The following ERICH3 variants were observed in gnomAD, a reference collection of about 807,000 sequenced individuals.
ERICH3 encodes the protein glutamate rich 3.
In ERICH3, 126 loss-of-function variants were observed where a neutral mutation model predicts 131.1. The ratio of observed to expected loss-of-function variants is 0.96; its 90% CI spans 0.83 to 1.11. The LOEUF (loss-of-function observed/expected upper bound fraction) is 1.11, where lower values mean the gene tolerates loss of function less well. Among genes scored for constraint, ERICH3 ranks in the 50% most tolerant of loss-of-function variants. The probability of loss-of-function intolerance (pLI) is 0.00; values close to 1 mark genes in which losing one functional copy is unlikely to be tolerated. For synonymous variants in ERICH3, 695 were observed against 644.6 expected (o/e 1.08, Z -1.18); for missense variants, 2,050 against 1,810.7 (o/e 1.13, Z -2.40).
rs1647068404 is a variant in ERICH3 at position 74,576,943 on chromosome 1, A to T, written c.2177-7T>A. 1.9e-5 allele frequency: 5 copies of T among 263,654 alleles called. No individual in the cohort carries two copies. The highest frequency in any genetic ancestry group is 2.4e-5 in the Non-Finnish European group (4 of 164,830). 16.3% of individuals were successfully genotyped at this position (263,654 alleles called of 1,614,324 possible). A position where few individuals can be genotyped will look rare whatever the true frequency, so the allele number is the denominator to read the frequency against. ...AATGGCAATGAATCCTTTCCTAGTT[A>T]AAAAAAAAAAAAAGAAAAAAAAGGT... On this transcript the variant is annotated splice_region_variant and splice_polypyrimidine_tract_variant and intron_variant, in intron 12 of 14. Transcript: ENST00000326665.
chr1:74,658,977 A>T (rs1570915681), intron 1 of ERICH3, among the ~76,000 whole-genome samples: 1 of 152,236 alleles, frequency 6.6e-6, no homozygotes, highest in Non-Finnish European at 1.5e-5. Flanking sequence ...TTGTGTTATT[A>T]GCAGTGCTTT....
chr1:74,591,489 G>A (rs114960326), intron 11 of ERICH3, among the ~76,000 whole-genome samples: 2 of 152,150 alleles, frequency 1.3e-5, no homozygotes, highest in Admixed American at 6.5e-5. Flanking sequence ...TTGAGTCTGA[G>A]GGTGAAGCAC....
intron 11 of ERICH3, among the ~76,000 whole-genome samples, chr1:74,599,474 G>C (rs144015271): frequency 1.3e-4 from 19 of 151,838 alleles, no homozygotes; most frequent in African/African-American, 3.6e-4. Flanking sequence ...TAAATAATGT[G>C]CTAGGTTTAA....
At position 74,573,005 on chromosome 1, in the gene ERICH3, G is replaced by A; in HGVS notation, c.2705C>T (p.Ala902Val). 13 of 1,614,124 alleles carry A rather than the reference G, an allele frequency of 8.1e-6. No individual in the cohort carries two copies. Among genetic ancestry groups the A allele is most frequent in the Non-Finnish European group, 1.1e-5 (13 of 1,180,014 alleles). The change falls in exon 14 of 15, where the codon GCA becomes GTA. Residue 902 changes from alanine to valine, a missense_variant. By Grantham distance (64) the Ala-to-Val change is moderately conservative. Coordinates refer to ENST00000326665, the MANE Select transcript of ERICH3 (RefSeq NM_001002912.5). The part of the protein sequence containing the change: ...ASEGEQGLEK[A>V]VLANEAAALN... ...GGCTGCTGCTTCATTTGCAAGCACT[G>A]CCTTCTCTAAACCCTGTTCCCCTTC...
intron 7 of ERICH3, chr1:74,622,183 A>G (rs1245602555): frequency 6.6e-6 from 1 of 152,174 alleles, no homozygotes; most frequent in Non-Finnish European, 1.5e-5. Context: ...TGAAGCAAAA[A>G]CCAGAGGAAA....
intron 4 of ERICH3, among the ~76,000 whole-genome samples, chr1:74,642,433 A>G (rs938992663): frequency 6.6e-6 from 1 of 152,128 alleles, no homozygotes; most frequent in South Asian, 2.1e-4. Context: ...GCCAACCTAA[A>G]TGGAAATCTT....
rs775759014 is a variant in ERICH3, at chr1:74,589,646, C to A, written c.2161G>T (p.Gly721Trp). 1 of 1,613,830 alleles carries A rather than the reference C, an allele frequency of 6.2e-7. No homozygotes were observed. Among genetic ancestry groups the A allele is most frequent in the Admixed American group, 1.7e-5 (1 of 59,992 alleles). ...QVKDKKAGLP[G>W]LEEGGKDSLP... ...CCATACTTACCACCTTCCTCCAACC[C>A]AGGGAGACCTGCCTTTTTGTCCTTC... The change falls in exon 12 of 15, where the codon GGG (glycine) becomes TGG (tryptophan). Residue 721 changes from glycine to tryptophan, a missense_variant. By Grantham distance (184) the Gly-to-Trp change is radical. Transcript: ENST00000326665.
At position 74,572,647 on chromosome 1, in the gene ERICH3, T is replaced by C; in HGVS notation, c.3063A>G (p.Glu1021=). ...CCACATCTTCCTTGCAAAGGAAGGC[T>C]TCCTTTGCAAGGCTTCCTTCCTCAG... The part of the protein sequence containing the change: ...GSPEEGSLAK[E]AFLCKEDVEG... The change falls in exon 14 of 15, where the codon GAA becomes GAG. Residue 1021 remains glutamate, a synonymous_variant. Coordinates refer to ENST00000326665, the MANE Select transcript of ERICH3 (RefSeq NM_001002912.5). The C allele has an allele frequency of 6.2e-7, 1 of 1,614,030 alleles. No individual in the cohort carries two copies. The highest frequency in any genetic ancestry group is 1.7e-4 in the Middle Eastern group (1 of 6,060).
At chr1:74,614,367 TAAAAA>T (rs58516429) in intron 8 of ERICH3, among the ~76,000 whole-genome samples, 8 of 114,938 alleles carry the variant, frequency 7.0e-5, no homozygotes, top group African/African-American at 2.6e-4. Flanking sequence ...ATTTTTTCCC[TAAAAA>T]AAAAAAAAAA....
At chr1:74,667,551 G>A (rs11808421) in intron 1 of ERICH3, among the ~76,000 whole-genome samples, 2,787 of 152,232 alleles carry the variant, frequency 0.018, 86 homozygotes, top group African/African-American at 0.064. Context: ...GAAAGTGATA[G>A]CTCTAGAAAT....
At chr1:74,664,365 C>T (rs1420839194) in intron 1 of ERICH3, among the ~76,000 whole-genome samples, 4 of 149,876 alleles carry the variant, frequency 2.7e-5, no homozygotes, top group African/African-American at 7.3e-5. Context: ...TTCCTTCTAA[C>T]TCTATTATTC....
At position 74,620,821 on chromosome 1, in the gene ERICH3, G is replaced by A; in HGVS notation, c.913C>T (p.Pro305Ser). 6.2e-7 allele frequency: 1 copy of A among 1,613,272 alleles called. No homozygotes were observed. Among genetic ancestry groups the A allele is most frequent in the Non-Finnish European group, 8.5e-7 (1 of 1,179,584 alleles). Residue 305 changes from proline (P) to serine (S), a missense_variant, in exon 8 of 15, where the codon CCT becomes TCT. Coordinates refer to ENST00000326665, the MANE Select transcript of ERICH3 (RefSeq NM_001002912.5). ...ACTTTAATTTCATCCCGGAAGTCAG[G>A]ATTATCAGAAGATAGGTGCACATTT... The part of the protein sequence containing the change: ...GKNVHLSSDN[P>S]DFRDEIKVYQ...
Position 74,636,275 on chromosome 1 carries a change from T to A in ERICH3, c.603+5A>T, listed in dbSNP as rs1646387969. On this transcript the variant is annotated splice_donor_5th_base_variant and intron_variant, in intron 6 of 14. Transcript: ENST00000326665. ...AATATATTTATTGATAAAAATAACA[T>A]TTACCCCAATGGGAAACAGAGCTTC... The A allele has an allele frequency of 6.3e-7, 1 of 1,589,180 alleles. No individual in the cohort carries two copies. The highest frequency in any genetic ancestry group is 1.2e-5 in the South Asian group (1 of 85,256).
intron 1 of ERICH3, among the ~76,000 whole-genome samples, chr1:74,665,174 G>A (rs958896420): frequency 4.0e-5 from 6 of 151,240 alleles, no homozygotes; most frequent in Non-Finnish European, 8.8e-5. Flanking sequence ...CAAGAAGATG[G>A]CCATCTGCAG....
chr1:74,615,766 C>G (rs1648928229), intron 8 of ERICH3, among the ~76,000 whole-genome samples: 1 of 152,120 alleles, frequency 6.6e-6, no homozygotes, highest in African/African-American at 2.4e-5. Flanking sequence ...CTACTCTTAT[C>G]CCCAACATCT....
At chr1:74,657,726 G>A (rs1356726867) in intron 1 of ERICH3, among the ~76,000 whole-genome samples, 1 of 152,108 alleles carries the variant, frequency 6.6e-6, no homozygotes, top group African/African-American at 2.4e-5. Context: ...GTTCACAGAT[G>A]AGGCAATGGG....
chr1:74,667,468 G>T (rs1210308266), intron 1 of ERICH3, among the ~76,000 whole-genome samples: 1 of 152,120 alleles, frequency 6.6e-6, no homozygotes, highest in Admixed American at 6.6e-5. Flanking sequence ...ACTTCTCTTG[G>T]TCTGTACCAA....
intron 12 of ERICH3, among the ~76,000 whole-genome samples, chr1:74,583,226 T>C (rs1647210218): frequency 6.6e-6 from 1 of 152,098 alleles, no homozygotes; most frequent in Non-Finnish European, 1.5e-5. Context: ...AGGGGTTTTG[T>C]TTGTTTGTTT....
At chr1:74,622,452 A>T (rs940703498) in intron 7 of ERICH3, 1 of 152,218 alleles carries the variant, frequency 6.6e-6, no homozygotes, top group Admixed American at 6.5e-5. Flanking sequence ...TCTGACTCCT[A>T]CTTGGAAAAT....
Sources: allele counts gnomAD v4.1 joint callset (sites outside exome capture counted in the v4.1 genomes callset), GRCh38; gene constraint gnomAD v4.1.1; transcripts MANE v1.5; gene names NCBI Gene and HGNC (gene_info 2026-07-23, HGNC 2026-07-21).